FBXO31: variants seen among roughly 807,000 people sequenced by gnomAD.
FBXO31 encodes F-box protein 31.
A neutral mutation model predicts 54.4 loss-of-function variants in FBXO31; 24 were observed. The ratio of observed to expected loss-of-function variants is 0.44; its 90% CI spans 0.32 to 0.62. The LOEUF is 0.62. Ranked by LOEUF, FBXO31 falls within the 20% of genes least tolerant of loss-of-function variation. The probability of loss-of-function intolerance (pLI) is 0.05; values close to 1 mark genes in which losing one functional copy is unlikely to be tolerated. For missense variants in FBXO31, 665 were observed against 787.1 expected, an observed-to-expected ratio of 0.84 and a Z score of 1.86; for synonymous variants, 388 against 335.6, an observed-to-expected ratio of 1.16 and a Z score of -1.71.
Position 87,331,261 on chromosome 16 carries a change from G to T in FBXO31, c.*27C>A. 6.2e-7 allele frequency: 1 copy of T among 1,600,580 alleles called. No individual in the cohort carries two copies. The highest frequency in any genetic ancestry group is 1.1e-5 in the South Asian group (1 of 90,658). On this transcript the variant is annotated 3_prime_UTR_variant, in exon 9 of 9. Transcript: ENST00000311635. The stretch of plus-strand genomic sequence containing the variant: ...AGAGTTCAGAGCCCCAGAGCCACCC[G>T]GGATGTGGCGGCAAGGATGTGGCCG...
At chr16:87,377,900 G>A (rs1319967603) in intron 1 of FBXO31, among the ~76,000 whole-genome samples, 3 of 151,984 alleles carry the variant, frequency 2.0e-5, no homozygotes, top group African/African-American at 4.8e-5. Flanking sequence ...GCTCATGCCT[G>A]TAATCCCAGC....
rs1395408489 is a variant in FBXO31 at position 87,383,037 on chromosome 16, C to T, written c.340+368G>A. 1.3e-5 allele frequency among the ~76,000 whole-genome samples: 2 copies of T among 152,168 alleles called. No individual in the cohort carries two copies. Among genetic ancestry groups the T allele is most frequent in the African/African-American group, 2.4e-5 (1 of 41,452 alleles). ...AGAGGAGGCGGCCCCCAGGCGTCAG[C>T]TTAGGCCCCGCGCAGACCTCGAGGG... On this transcript the variant is annotated intron_variant, in intron 1 of 8. Coordinates refer to ENST00000311635, the MANE Select transcript of FBXO31 (RefSeq NM_024735.5). This position sits in a 1 kb window ranked among gnomAD's most constrained non-coding sequence, Gnocchi z 4.9.
At chr16:87,362,825 G>A (rs1001876269) in intron 1 of FBXO31, among the ~76,000 whole-genome samples, 3 of 152,186 alleles carry the variant, frequency 2.0e-5, no homozygotes, top group Non-Finnish European at 2.9e-5. Context: ...CCAAAGTGCT[G>A]GGATTACAGG....
chr16:87,370,405 G>T (rs1408388674), intron 1 of FBXO31, among the ~76,000 whole-genome samples: 3 of 152,232 alleles, frequency 2.0e-5, no homozygotes, highest in African/African-American at 7.2e-5. Flanking sequence ...CTTGAGAAAG[G>T]CACCACACTA....
chr16:87,383,364 A>ACCCCCCCCCCCCCCCCCCCCCCCCCCCCC lies in FBXO31; in HGVS notation c.340+40_340+41insGGGGGGGGGGGGGGGGGGGGGGGGGGGGG. On this transcript the variant is annotated intron_variant, in intron 1 of 8. Coordinates refer to ENST00000311635, the MANE Select transcript of FBXO31 (RefSeq NM_024735.5). The surrounding 1 kb of genome is among the most constrained non-coding windows in gnomAD (Gnocchi z 4.9). Reference sequence around the variant, plus strand: ...GCTCCGAGGCCTCCACCTGGCAGGGACCCCCCGCCCCTCCCGGCCCCGCCA... The same window carrying ACCCCCCCCCCCCCCCCCCCCCCCCCCCCC: ...GCTCCGAGGCCTCCACCTGGCAGGGACCCCCCCCCCCCCCCCCCCCCCCCCCCCCCCCCCCGCCCCTCCCGGCCCCGCCA... 1.5e-6 allele frequency: 2 copies of ACCCCCCCCCCCCCCCCCCCCCCCCCCCCC among 1,329,446 alleles called. No individual in the cohort carries two copies. Among genetic ancestry groups the ACCCCCCCCCCCCCCCCCCCCCCCCCCCCC allele is most frequent in the Non-Finnish European group, 2.0e-6 (2 of 975,776 alleles). The allele number at this position is 1,329,446 out of a possible 1,614,324, so 82.4% of individuals were successfully genotyped here.
chr16:87,390,985 G>T (rs1370452494), upstream of FBXO31, among the ~76,000 whole-genome samples: 1 of 151,980 alleles, frequency 6.6e-6, no homozygotes, highest in Non-Finnish European at 1.5e-5. Context: ...TAGAAGAAAG[G>T]CTTTTACAAA....
chr16:87,345,174 A>G lies in FBXO31; in HGVS notation c.490-1409T>C, dbSNP rs1905330978. Among the ~76,000 whole-genome samples, 1 of 152,218 alleles carries G rather than the reference A, an allele frequency of 6.6e-6. No individual in the cohort carries two copies. Among genetic ancestry groups the G allele is most frequent in the Admixed American group, 6.5e-5 (1 of 15,278 alleles). ...CCCCTGGTCCCACAAAAGGGAGCGG[A>G]GCACAATCCCAACACCAGCACCGGA... is the stretch of plus-strand genomic sequence containing the variant. On this transcript the variant is annotated intron_variant, in intron 3 of 8. Coordinates refer to ENST00000311635, the MANE Select transcript of FBXO31 (RefSeq NM_024735.5). This position sits in a 1 kb window ranked among gnomAD's most constrained non-coding sequence, Gnocchi z 4.9.
intron 1 of FBXO31, among the ~76,000 whole-genome samples, chr16:87,371,500 C>T (rs75648998): frequency 3.0e-3 from 463 of 152,398 alleles, no homozygotes; most frequent in African/African-American, 0.011. Context: ...TCAAATGCGT[C>T]CTCTTCCTCC....
At chr16:87,375,880 T>C (rs1027933952) in intron 1 of FBXO31, among the ~76,000 whole-genome samples, 3 of 152,150 alleles carry the variant, frequency 2.0e-5, no homozygotes, top group Admixed American at 2.0e-4. Context: ...TAGAAAAGAT[T>C]TAACCCACCA....
Position 87,363,324 on chromosome 16 carries a change from C to T in FBXO31, c.341-2958G>A, listed in dbSNP as rs181024633. On this transcript the variant is annotated intron_variant, in intron 1 of 8. Coordinates refer to ENST00000311635, the MANE Select transcript of FBXO31 (RefSeq NM_024735.5). ...GCTTGAACTCAGGAGGCAGAGGTGG[C>T]AGTGAGCCAAGATCGCACCACTGCA... is the stretch of plus-strand genomic sequence containing the variant. Among the ~76,000 whole-genome samples the T allele has an allele frequency of 2.1e-3, 317 of 152,270 alleles. 1 individual carries two copies. Among genetic ancestry groups the T allele is most frequent in the Admixed American group, 4.3e-3 (65 of 15,294 alleles).
chr16:87,332,127 TC>T (rs1904880904), intron 8 of FBXO31, among the ~76,000 whole-genome samples: 1 of 152,086 alleles, frequency 6.6e-6, no homozygotes, highest in Non-Finnish European at 1.5e-5. Context: ...CCACTGAGGC[TC>T]CAAAGGCCGG....
intron 2 of FBXO31, among the ~76,000 whole-genome samples, chr16:87,356,608 G>A (rs560819226): frequency 3.8e-4 from 58 of 152,288 alleles, no homozygotes; most frequent in African/African-American, 1.1e-3. Flanking sequence ...CCAAATCCAG[G>A]CACCTCCGCA....
In FBXO31 at chr16:87,353,066, A is replaced by G. The variant is rs372470130; in HGVS notation, c.413-5816T>C. 1.8e-3 allele frequency among the ~76,000 whole-genome samples: 279 copies of G among 152,238 alleles called. 9 individuals carry two copies. The South Asian group carries it at 0.057, about 31-fold the overall frequency. On this transcript the variant is annotated intron_variant, in intron 2 of 8. Coordinates refer to ENST00000311635, the MANE Select transcript of FBXO31 (RefSeq NM_024735.5). ...ACTCTACGGAAGAAATTGGATTAAC[A>G]TGAGCTCTATTTCCGTCAGCCGAGG...
chr16:87,370,785 C>T (rs530634656), intron 1 of FBXO31, among the ~76,000 whole-genome samples: 2 of 152,314 alleles, frequency 1.3e-5, no homozygotes, highest in South Asian at 4.1e-4. Flanking sequence ...CCGCTTTACA[C>T]TCAGTTTTCC....
In FBXO31 at chr16:87,327,795, T is replaced by G. The variant is rs1904701493; in HGVS notation, c.*3493A>C. 2 of 152,238 alleles carry G rather than the reference T, an allele frequency of 1.3e-5. No individual in the cohort carries two copies. Among genetic ancestry groups the G allele is most frequent in the Admixed American group, 6.5e-5 (1 of 15,276 alleles). The allele number at this position is 152,238 out of a possible 1,614,324, so 9.4% of individuals were successfully genotyped here. A position where few individuals can be genotyped will look rare whatever the true frequency, so the allele number is the denominator to read the frequency against. ...CAGACAGGTTGGGCCACGTTAACAC[T>G]GGACTTGATCATGATTCCAGGAGTT... On this transcript the variant is annotated 3_prime_UTR_variant, in exon 9 of 9. Coordinates refer to ENST00000311635, the MANE Select transcript of FBXO31 (RefSeq NM_024735.5).
intron 2 of FBXO31, among the ~76,000 whole-genome samples, chr16:87,355,500 C>T (rs1356369051): frequency 2.0e-5 from 3 of 152,212 alleles, no homozygotes; most frequent in Non-Finnish European, 4.4e-5. Flanking sequence ...TCCTGATATT[C>T]TAGTAGGTCA....
At chr16:87,372,570 G>GT (rs1415295072) in intron 1 of FBXO31, among the ~76,000 whole-genome samples, 2 of 151,874 alleles carry the variant, frequency 1.3e-5, no homozygotes, top group Non-Finnish European at 1.5e-5. Context: ...ATTTCTTTTT[G>GT]TTTTTTTAGA....
At chr16:87,377,012 C>G (rs954003149) in intron 1 of FBXO31, among the ~76,000 whole-genome samples, 1 of 152,232 alleles carries the variant, frequency 6.6e-6, no homozygotes, top group Non-Finnish European at 1.5e-5. Context: ...GGTCTGATAC[C>G]TGACCTAGAT....
At position 87,347,676 on chromosome 16, in the gene FBXO31, T is replaced by C. The variant is rs569304331; in HGVS notation, c.413-426A>G. On this transcript the variant is annotated intron_variant, in intron 2 of 8. Coordinates refer to ENST00000311635, the MANE Select transcript of FBXO31 (RefSeq NM_024735.5). ...GCCCGGGCGACAGAGGGAAACTCAG[T>C]CTCCAAAAAAAAAAAAAAAAAAAAA... 7.2e-4 allele frequency among the ~76,000 whole-genome samples: 78 copies of C among 108,594 alleles called. 1 individual carries two copies. Among genetic ancestry groups the C allele is most frequent in the African/African-American group, 2.6e-3 (66 of 25,104 alleles). 71.2% of individuals were successfully genotyped at this position (108,594 alleles called of 152,430 possible).
Sources: allele counts gnomAD v4.1 joint callset (sites outside exome capture counted in the v4.1 genomes callset), GRCh38; gene constraint gnomAD v4.1.1; non-coding constraint Gnocchi (gnomAD v3.1); transcripts MANE v1.5; gene names NCBI Gene and HGNC (gene_info 2026-07-23, HGNC 2026-07-21).